The following TRIM69 variants were observed in gnomAD, a reference collection of about 807,000 sequenced individuals.
TRIM69 encodes the protein tripartite motif containing 69.
TRIM69 carries 29 observed loss-of-function variants against 37.7 expected under a neutral mutation model. That is an observed-to-expected ratio of 0.77 (90% CI 0.57 to 1.05). The LOEUF is 1.05. TRIM69 is among the 50% of genes least tolerant of loss of function. The probability of loss-of-function intolerance (pLI) is 0.00; values close to 1 mark genes in which losing one functional copy is unlikely to be tolerated. For missense variants in TRIM69, 596 were observed against 579.9 expected (o/e 1.03, Z -0.28); for synonymous variants, 209 against 212.4 (o/e 0.98, Z 0.14).
At chr15:44,765,790 A>C (rs920682346) in intron 6 of TRIM69, among the ~76,000 whole-genome samples, 1 of 152,116 alleles carries the variant, frequency 6.6e-6, no homozygotes, top group African/African-American at 2.4e-5. Flanking sequence ...CAAACAAAAA[A>C]AAAACAGAGA....
chr15:44,754,674 A>T (rs1054394446), intron 1 of TRIM69: 5 of 514,762 alleles, frequency 9.7e-6, no homozygotes, highest in Non-Finnish European at 1.7e-5. Context: ...TCTTTGATTT[A>T]GTACTGTTTC....
chr15:44,737,782 A>G (rs879576229), intron 1 of TRIM69, among the ~76,000 whole-genome samples: 3 of 152,208 alleles, frequency 2.0e-5, no homozygotes, highest in Admixed American at 2.0e-4. Flanking sequence ...TTCTGCTCTC[A>G]AAGTTAATTC....
At chr15:44,762,571 A>G (rs2087799977) in intron 6 of TRIM69, among the ~76,000 whole-genome samples, 1 of 151,532 alleles carries the variant, frequency 6.6e-6, no homozygotes, top group Non-Finnish European at 1.5e-5. Context: ...TTTTCACCTC[A>G]CACTTTATTT....
chr15:44,756,508 C>A lies in TRIM69; in HGVS notation c.579+45C>A, dbSNP rs116946631. 10,378 of 1,327,248 alleles carry A rather than the reference C, an allele frequency of 7.8e-3. 59 individuals carry two copies. The highest frequency in any genetic ancestry group is 0.01 in the Admixed American group (514 of 49,928). The allele number at this position is 1,327,248 out of a possible 1,614,324, so 82.2% of individuals were successfully genotyped here. ...GGTTATGAGATAGAACTGGAACACA[C>A]CCTCCATGTAACTTCAGCTATGGGT... On this transcript the variant is annotated intron_variant, in intron 3 of 6. Transcript: ENST00000329464.
chr15:44,753,453 C>A (rs766086887), intron 1 of TRIM69: 1 of 151,978 alleles, frequency 6.6e-6, no homozygotes, highest in Non-Finnish European at 1.5e-5. Context: ...TTTTTTCTTT[C>A]GGCAGTTCAG....
chr15:44,744,777 G>T (rs1444794959), intron 1 of TRIM69, among the ~76,000 whole-genome samples: 1 of 152,084 alleles, frequency 6.6e-6, no homozygotes, highest in East Asian at 1.9e-4. Flanking sequence ...GACCTGTCTG[G>T]TGCTTCCATG....
rs772866631 is a variant in TRIM69 at position 44,755,047 on chromosome 15, C to A, written c.154C>A (p.Leu52Met). 2 of 1,614,226 alleles carry A rather than the reference C, an allele frequency of 1.2e-6. No homozygotes were observed. Among genetic ancestry groups the A allele is most frequent in the Non-Finnish European group, 1.7e-6 (2 of 1,180,040 alleles). Residue 52 changes from leucine to methionine, a missense_variant, in exon 2 of 7, where the codon CTG (leucine) becomes ATG (methionine). Physicochemically the swap from Leu to Met is conservative, Grantham distance 15. Transcript: ENST00000329464. ...GTGCAATGATTGGTTCCGAGACCCA[C>A]TGATGCTAAGCTGTGGCCACAACTT... ...PLCNDWFRDP[L>M]MLSCGHNFCE...
intron 3 of TRIM69, chr15:44,758,297 C>G (rs1477047997): frequency 2.8e-6 from 1 of 355,174 alleles, no homozygotes; most frequent in African/African-American, 2.1e-5. Flanking sequence ...GATTACCAAT[C>G]TAGGAGGGTA....
At chr15:44,757,291 T>G (rs1394646503) in intron 3 of TRIM69, 3 of 152,128 alleles carry the variant, frequency 2.0e-5, no homozygotes, top group Non-Finnish European at 4.4e-5. Context: ...AATAATCCCA[T>G]GAGTAATAAT....
chr15:44,767,557 CCTT>C lies in TRIM69; in HGVS notation c.1292_1294del (p.Ser431del). On this transcript the variant is annotated inframe_deletion, in exon 7 of 7. Coordinates refer to ENST00000329464, the MANE Select transcript of TRIM69 (RefSeq NM_182985.5). Reference sequence around the variant, plus strand: ...AACTGATCTAAAGGCTCTGGATTTGCCTTCTTTCAGTCTGACACTGACTAACAA... The same window carrying C: ...AACTGATCTAAAGGCTCTGGATTTGCCTTTCAGTCTGACACTGACTAACAA... 2 of 1,614,176 alleles carry C rather than the reference CCTT, an allele frequency of 1.2e-6. No homozygotes were observed. Among genetic ancestry groups the C allele is most frequent in the East Asian group, 4.5e-5 (2 of 44,886 alleles).
intron 1 of TRIM69, among the ~76,000 whole-genome samples, chr15:44,750,727 T>C (rs866020986): frequency 0.054 from 6,329 of 116,694 alleles, 284 homozygotes; most frequent in Non-Finnish European, 0.064. Context: ...TTTTTTTTTT[T>C]TTTTTTTTTT....
At chr15:44,754,370 G>C (rs2087598280) in intron 1 of TRIM69, 1 of 152,862 alleles carries the variant, frequency 6.5e-6, no homozygotes, top group South Asian at 2.1e-4. Context: ...TAAATCTCCT[G>C]ACCTCGTGAT....
At chr15:44,756,262 AG>A in intron 2 of TRIM69, 105 bp from the exon 3 acceptor site, 1 of 703,200 alleles carries the variant, frequency 1.4e-6, no homozygotes, top group South Asian at 1.8e-5. Context: ...AGATTTTTGC[AG>A]CAAGAGCTTG....
chr15:44,755,396 T>C lies in TRIM69; in HGVS notation c.483+20T>C, dbSNP rs1330054461. On this transcript the variant is annotated intron_variant, in intron 2 of 6. Coordinates refer to ENST00000329464, the MANE Select transcript of TRIM69 (RefSeq NM_182985.5). ...TTCACGGTGGGTGAGCCCTGGGCCT[T>C]GAACAATCCCTTAGAAAAACTAGGA... 6.4e-7 allele frequency: 1 copy of C among 1,554,442 alleles called. No individual in the cohort carries two copies. Among genetic ancestry groups the C allele is most frequent in the African/African-American group, 1.4e-5 (1 of 73,298 alleles).
At chr15:44,738,138 A>G (rs1312421101) in intron 1 of TRIM69, among the ~76,000 whole-genome samples, 2 of 148,980 alleles carry the variant, frequency 1.3e-5, no homozygotes, top group African/African-American at 5.0e-5. Flanking sequence ...AGCTCACTGC[A>G]ACCTCCGCTT....
intron 6 of TRIM69, 151 bp from the exon 7 acceptor site, chr15:44,767,080 A>AAAAAAAAAAAAAAAAAC: frequency 2.6e-6 from 1 of 388,974 alleles, no homozygotes. Flanking sequence ...AAAAAAAAAA[A>AAAAAAAAAAAAAAAAAC]AAAAGCATAT....
intron 1 of TRIM69, among the ~76,000 whole-genome samples, chr15:44,751,375 C>T (rs1034741408): frequency 4.6e-5 from 7 of 152,112 alleles, no homozygotes; most frequent in Non-Finnish European, 1.0e-4. Flanking sequence ...CTCGGCCTCC[C>T]AAAGTGCTAG....
chr15:44,736,803 A>G, intron 1 of TRIM69, 93 bp downstream of exon 1: 1 of 1,467,360 alleles, frequency 6.8e-7, no homozygotes, highest in South Asian at 1.2e-5. Flanking sequence ...TAGGAGCACA[A>G]AAGGAAATTC....
chr15:44,755,534 T>C (rs2087628844), intron 2 of TRIM69, among the ~76,000 whole-genome samples, 158 bp downstream of exon 2: 1 of 152,232 alleles, frequency 6.6e-6, no homozygotes, highest in African/African-American at 2.4e-5. Context: ...GTTCTTTTTC[T>C]AGAGTTGCTG....
Sources: gnomAD v4.1 joint callset for allele counts (sites outside exome capture counted in the v4.1 genomes callset) on GRCh38, gnomAD v4.1.1 for gene constraint, MANE v1.5 for transcripts, NCBI Gene and HGNC (gene_info 2026-07-23, HGNC 2026-07-21) for gene names.